The following PCDH15 variants were observed in gnomAD, a reference collection of about 807,000 sequenced individuals.
PCDH15 encodes the protein protocadherin-15.
PCDH15 carries 129 observed loss-of-function variants against 178.5 expected under a neutral mutation model. That is an observed-to-expected ratio of 0.72 (90% CI 0.63 to 0.84). The LOEUF (loss-of-function observed/expected upper bound fraction) is 0.84. Among genes scored for constraint, PCDH15 ranks in the 40% least tolerant of loss-of-function variants. The pLI is 0.00. For missense variants in PCDH15, 2,230 were observed against 2,099.9 expected, an observed-to-expected ratio of 1.06 and a Z score of -1.21; for synonymous variants, 800 against 732.0, an observed-to-expected ratio of 1.09 and a Z score of -1.50.
chr10:54,253,031 T>C (rs776106887), intron 8 of PCDH15, among the ~76,000 whole-genome samples: 1 of 151,914 alleles, frequency 6.6e-6, no homozygotes, highest in African/African-American at 2.4e-5. Context: ...GGGAGTAAAA[T>C]AATTACAACA....
rs979105037 is a variant in PCDH15 at position 54,030,151 on chromosome 10, C to T, written c.2221-6954G>A. ...AAAGGTGTGAACTACCATGTAGCAC[C>T]TAATTGGCCCAGTGTGAAGCTGAGA... On this transcript the variant is annotated intron_variant, in intron 18 of 37. Transcript: ENST00000644397. Among the ~76,000 whole-genome samples the T allele has an allele frequency of 2.0e-5, 3 of 152,028 alleles. 1 individual carries two copies. The highest frequency in any genetic ancestry group is 2.0e-4 in the Admixed American group (3 of 15,244).
chr10:55,172,774 G>A (rs1201812294), intron 1 of PCDH15, among the ~76,000 whole-genome samples: 3 of 151,784 alleles, frequency 2.0e-5, no homozygotes, highest in Non-Finnish European at 4.4e-5. Context: ...AGGAGAGATG[G>A]GGCCTATGTA....
chr10:54,346,619 G>A, intron 5 of PCDH15, 135 bp from the exon 6 acceptor site: 2 of 985,754 alleles, frequency 2.0e-6, no homozygotes, highest in Non-Finnish European at 3.1e-6. Flanking sequence ...AAACTGAAGT[G>A]TTTCAAAAGA....
At chr10:54,761,414 G>T (rs998364544) in intron 1 of PCDH15, among the ~76,000 whole-genome samples, 1 of 152,120 alleles carries the variant, frequency 6.6e-6, no homozygotes, top group Non-Finnish European at 1.5e-5. Flanking sequence ...GGGCGCAGTG[G>T]TTCATGCCTG....
chr10:55,427,730 T>A lies in PCDH15; in HGVS notation c.-156+199895A>T, dbSNP rs144794670. On this transcript the variant is annotated intron_variant, in intron 2 of 5. Coordinates refer to the PCDH15 transcript ENST00000613346. ...TTAATACTTTAGATTTATACCTCTATAATCTTATTCTGTCCAAATTCATGT... is the reference window on the plus strand; with the variant it reads ...TTAATACTTTAGATTTATACCTCTAAAATCTTATTCTGTCCAAATTCATGT... 4.6e-3 allele frequency among the ~76,000 whole-genome samples: 695 copies of A among 152,326 alleles called. 4 individuals are homozygous for A. Among genetic ancestry groups the A allele is most frequent in the African/African-American group, 0.016 (665 of 41,578 alleles).
intron 1 of PCDH15, among the ~76,000 whole-genome samples, chr10:54,687,890 A>G (rs2095042563): frequency 6.6e-6 from 1 of 152,060 alleles, no homozygotes; most frequent in Non-Finnish European, 1.5e-5. Flanking sequence ...AAATTCTGCA[A>G]TATATAATAC....
chr10:55,495,339 GA>G (rs1369136671), intron 2 of PCDH15, among the ~76,000 whole-genome samples: 3 of 151,542 alleles, frequency 2.0e-5, no homozygotes, highest in African/African-American at 7.2e-5. Flanking sequence ...ATACAGAATG[GA>G]AAAAAATTTG....
intron 15 of PCDH15, among the ~76,000 whole-genome samples, chr10:54,126,410 A>G (rs1229667962): frequency 1.3e-5 from 2 of 152,090 alleles, no homozygotes; most frequent in East Asian, 3.9e-4. Flanking sequence ...ACTGAAGACA[A>G]TCAACCTCCC....
At chr10:55,518,168 C>T (rs2132160163) in intron 2 of PCDH15, among the ~76,000 whole-genome samples, 1 of 152,206 alleles carries the variant, frequency 6.6e-6, no homozygotes, top group East Asian at 1.9e-4. Context: ...GTTTCACTTC[C>T]CTAACCCTAC....
At chr10:54,389,975 C>T (rs1950352882) in intron 3 of PCDH15, among the ~76,000 whole-genome samples, 1 of 151,928 alleles carries the variant, frequency 6.6e-6, no homozygotes, top group South Asian at 2.1e-4. Flanking sequence ...CCATCCATAT[C>T]ATTCTGATGC....
rs532412538 is a variant in PCDH15, at chr10:54,363,226, A to T, written c.474+5894T>A. ...AGATATCATAACAAAAAGCAAATAC[A>T]TATGCAGTATTGTTGCAGATAAGTG... On this transcript the variant is annotated intron_variant, in intron 5 of 37. Transcript: ENST00000644397. Among the ~76,000 whole-genome samples, 31 of 152,270 alleles carry T rather than the reference A, an allele frequency of 2.0e-4. No homozygotes were observed. In the South Asian group the frequency reaches 6.2e-3, roughly 31 times the overall value.
intron 1 of PCDH15, among the ~76,000 whole-genome samples, chr10:55,263,454 A>ACCTTTC (rs1345655048): frequency 2.6e-5 from 4 of 152,016 alleles, no homozygotes; most frequent in Admixed American, 1.3e-4. Flanking sequence ...AGGGCATCTC[A>ACCTTTC]CCTTTCCCTT....
At chr10:54,853,221 T>C (rs1228152857) in intron 3 of PCDH15, among the ~76,000 whole-genome samples, 4 of 146,246 alleles carry the variant, frequency 2.7e-5, no homozygotes, top group African/African-American at 7.5e-5. Flanking sequence ...GATTACACCA[T>C]TGCACTCCAG....
At chr10:54,243,324 C>T (rs142794799) in intron 8 of PCDH15, among the ~76,000 whole-genome samples, 2,289 of 152,142 alleles carry the variant, frequency 0.015, 25 homozygotes, top group Non-Finnish European at 0.023. Context: ...CTGGCTAACA[C>T]GGTGAAACCC....
Position 55,201,805 on chromosome 10 carries a change from C to T in PCDH15, c.-155-35154G>A, listed in dbSNP as rs573479937. ...TCTAAGCTTTTTTGGTGGAATACTG[C>T]TTTTTCTTTTTTAAATGAAATAATA... On this transcript the variant is annotated intron_variant, in intron 1 of 5. Transcript: ENST00000458638. 3.8e-4 allele frequency among the ~76,000 whole-genome samples: 58 copies of T among 152,196 alleles called. 1 individual carries two copies. The South Asian group carries it at 0.012, about 32-fold the overall frequency.
intron 18 of PCDH15, among the ~76,000 whole-genome samples, chr10:54,028,948 A>C (rs1490189911): frequency 1.5e-5 from 2 of 134,094 alleles, no homozygotes; most frequent in Admixed American, 1.4e-4. Context: ...TAATAATAAA[A>C]AAAAGACTAC....
In PCDH15 at chr10:53,857,170, A is replaced by G; in HGVS notation, c.3806+5T>C. On this transcript the variant is annotated splice_donor_5th_base_variant and intron_variant, in intron 28 of 37. Transcript: ENST00000644397. ...ATAAATATATAAGGAGACAAAATCA[A>G]TTACTCTGTAAGATCTTCTATCTTT... is the stretch of plus-strand genomic sequence containing the variant. The G allele has an allele frequency of 1.3e-6, 2 of 1,570,418 alleles. No homozygotes were observed. Among genetic ancestry groups the G allele is most frequent in the Non-Finnish European group, 1.8e-6 (2 of 1,141,368 alleles).
intron 2 of PCDH15, among the ~76,000 whole-genome samples, chr10:55,593,645 T>A (rs1277214021): frequency 6.6e-6 from 1 of 151,854 alleles, no homozygotes; most frequent in Non-Finnish European, 1.5e-5. Flanking sequence ...GCTTTTTTTT[T>A]AACAGTATAG....
chr10:54,364,834 T>C (rs921810580), intron 5 of PCDH15, among the ~76,000 whole-genome samples: 2 of 152,154 alleles, frequency 1.3e-5, no homozygotes, highest in Admixed American at 6.6e-5. Flanking sequence ...ACTTCCAAGC[T>C]CATTCAGATT....
Sources: allele counts gnomAD v4.1 joint callset (sites outside exome capture counted in the v4.1 genomes callset), GRCh38; gene constraint gnomAD v4.1.1; transcripts MANE v1.5; gene names NCBI Gene and HGNC (gene_info 2026-07-23, HGNC 2026-07-21).